The following EPM2A variants were observed in gnomAD, a reference collection of about 807,000 sequenced individuals.
The protein encoded by EPM2A is EPM2A glucan phosphatase, laforin.
Under a neutral mutation model 26.5 loss-of-function variants are expected in EPM2A, and 21 were observed. The ratio of observed to expected loss-of-function variants is 0.79; its 90% CI spans 0.56 to 1.14. EPM2A has a LOEUF of 1.14. Among genes scored for constraint, EPM2A ranks in the 50% most tolerant of loss-of-function variants. The pLI is 0.00. For missense variants in EPM2A, 458 were observed against 440.8 expected, an observed-to-expected ratio of 1.04 and a Z score of -0.35; for synonymous variants, 217 against 177.6, an observed-to-expected ratio of 1.22 and a Z score of -1.76.
At chr6:145,590,621 G>C in intron 2 of EPM2A, among the ~76,000 whole-genome samples, 1 of 152,110 alleles carries the variant, frequency 6.6e-6, no homozygotes, top group Non-Finnish European at 1.5e-5. Context: ...GCAAGCCACT[G>C]ACTTAAGGTA....
At chr6:145,500,401 C>A (rs1373841638), downstream of EPM2A, among the ~76,000 whole-genome samples, 2 of 152,164 alleles carry the variant, frequency 1.3e-5, no homozygotes, top group Non-Finnish European at 2.9e-5. Flanking sequence ...GTACCTTCAG[C>A]CTCACAATCT....
At position 145,626,623 on chromosome 6, in the gene EPM2A, TCAA is replaced by T; in HGVS notation, c.*790_*792del. On this transcript the variant is annotated 3_prime_UTR_variant, in exon 4 of 4. Transcript: ENST00000367519. ...AAGTTGTGATGAAAACAGTGCTGAG[TCAA>T]ATAAATATAGATTATTAACTCCAGC... 2.0e-6 allele frequency: 2 copies of T among 982,792 alleles called. No homozygotes were observed. Among genetic ancestry groups the T allele is most frequent in the Non-Finnish European group, 2.4e-6 (2 of 827,340 alleles). 60.9% of individuals were successfully genotyped at this position (982,792 alleles called of 1,614,324 possible). A position where few individuals can be genotyped will look rare whatever the true frequency, so the allele number is the denominator to read the frequency against.
At chr6:145,649,227 T>C (rs887595871) in intron 2 of EPM2A, among the ~76,000 whole-genome samples, 2 of 152,220 alleles carry the variant, frequency 1.3e-5, no homozygotes, top group African/African-American at 4.8e-5. Context: ...GGAGCCAGGC[T>C]GCCTACATTT....
At chr6:145,528,867 T>C (rs1353160710) in intron 2 of EPM2A, among the ~76,000 whole-genome samples, 1 of 152,152 alleles carries the variant, frequency 6.6e-6, no homozygotes, top group East Asian at 1.9e-4. Context: ...TTCACCATTC[T>C]AGATGCCATG....
intron 2 of EPM2A, among the ~76,000 whole-genome samples, chr6:145,547,095 T>G (rs1032242308): frequency 1.3e-5 from 2 of 152,268 alleles, no homozygotes; most frequent in Admixed American, 6.5e-5. Flanking sequence ...CAGTTTCTGC[T>G]GACATTTTCA....
intron 3 of EPM2A, among the ~76,000 whole-genome samples, chr6:145,632,852 T>C (rs1776366646): frequency 6.6e-6 from 1 of 152,240 alleles, no homozygotes; most frequent in Admixed American, 6.5e-5. Context: ...TATTAACCCT[T>C]AGATTACACC....
intron 2 of EPM2A, among the ~76,000 whole-genome samples, chr6:145,666,008 C>T (rs1210263344): frequency 2.7e-5 from 4 of 146,446 alleles, no homozygotes; most frequent in African/African-American, 7.6e-5. Context: ...ATTGATGGGA[C>T]GTATTTCAAA....
intron 2 of EPM2A, among the ~76,000 whole-genome samples, chr6:145,519,965 A>C (rs1206724239): frequency 6.6e-6 from 1 of 152,066 alleles, no homozygotes; most frequent in Non-Finnish European, 1.5e-5. Flanking sequence ...TATAATACAA[A>C]ATTTTTTTGC....
chr6:145,468,354 C>A (rs1345724889), intron 4 of EPM2A, among the ~76,000 whole-genome samples: 2 of 152,158 alleles, frequency 1.3e-5, no homozygotes, highest in Admixed American at 6.6e-5. Flanking sequence ...GCCACCAAAG[C>A]TAAAATACAG....
At chr6:145,711,898 T>G (rs1440893203) in intron 1 of EPM2A, among the ~76,000 whole-genome samples, 1 of 152,214 alleles carries the variant, frequency 6.6e-6, no homozygotes, top group Admixed American at 6.5e-5. Context: ...GTTTCAAAAT[T>G]TTTTGGAACT....
At chr6:145,709,054 G>T (rs1221365865) in intron 1 of EPM2A, among the ~76,000 whole-genome samples, 2 of 152,168 alleles carry the variant, frequency 1.3e-5, no homozygotes, top group African/African-American at 2.4e-5. Context: ...TTTTGGACTG[G>T]TGTATTTACC....
chr6:145,690,337 C>T (rs1260346157), intron 1 of EPM2A, among the ~76,000 whole-genome samples: 4 of 151,406 alleles, frequency 2.6e-5, no homozygotes, highest in African/African-American at 9.7e-5. Context: ...GGTGAAACCC[C>T]GTCTCTACTA....
At chr6:145,645,754 C>G (rs1777413751) in intron 2 of EPM2A, among the ~76,000 whole-genome samples, 2 of 152,052 alleles carry the variant, frequency 1.3e-5, no homozygotes, top group South Asian at 4.1e-4. Context: ...GCATGCACCA[C>G]CACTAATTTT....
chr6:145,568,899 T>C (rs948234659), intron 2 of EPM2A, among the ~76,000 whole-genome samples: 2 of 152,330 alleles, frequency 1.3e-5, no homozygotes, highest in South Asian at 4.1e-4. Flanking sequence ...ATTGCTTCCC[T>C]GTAGGGTGTT....
intron 4 of EPM2A, among the ~76,000 whole-genome samples, chr6:145,475,126 C>T (rs1254400325): frequency 2.0e-5 from 3 of 152,102 alleles, no homozygotes; most frequent in Admixed American, 1.3e-4. Flanking sequence ...TGGGTATATA[C>T]CCAAAGGATT....
intron 2 of EPM2A, among the ~76,000 whole-genome samples, chr6:145,572,816 C>A (rs1780977116): frequency 6.6e-6 from 1 of 152,196 alleles, no homozygotes; most frequent in African/African-American, 2.4e-5. Context: ...GAACTTTCTC[C>A]TGTTCTGGAA....
At chr6:145,668,446 C>G (rs1364773436) in intron 2 of EPM2A, among the ~76,000 whole-genome samples, 1 of 152,084 alleles carries the variant, frequency 6.6e-6, no homozygotes, top group East Asian at 1.9e-4. Context: ...TTCAACTTAT[C>G]TAGACTTATA....
intron 2 of EPM2A, among the ~76,000 whole-genome samples, chr6:145,580,293 A>G (rs895832696): frequency 6.6e-6 from 1 of 152,122 alleles, no homozygotes; most frequent in Non-Finnish European, 1.5e-5. Context: ...TTTATCATTT[A>G]TGATTTATTA....
At chr6:145,585,627 T>C (rs1781186091) in intron 2 of EPM2A, among the ~76,000 whole-genome samples, 1 of 152,174 alleles carries the variant, frequency 6.6e-6, no homozygotes, top group Non-Finnish European at 1.5e-5. Context: ...TATGAAGTCT[T>C]ATTTATGGGT....
Sources: gnomAD v4.1 joint callset for allele counts (sites outside exome capture counted in the v4.1 genomes callset) on GRCh38, gnomAD v4.1.1 for gene constraint, MANE v1.5 for transcripts, NCBI Gene and HGNC (gene_info 2026-07-23, HGNC 2026-07-21) for gene names.